Variants in ADGRL3 observed in about 807,000 individuals in gnomAD.
The protein encoded by ADGRL3 is calcium-independent alpha-latrotoxin receptor 3.
ADGRL3 carries 62 observed loss-of-function variants against 153.5 expected under a neutral mutation model. The ratio of observed to expected loss-of-function variants is 0.40; its 90% CI spans 0.33 to 0.50. The LOEUF (loss-of-function observed/expected upper bound fraction) is 0.50, where lower values mean the gene tolerates loss of function less well. ADGRL3 is among the 20% of genes least tolerant of loss of function. The pLI, the probability that ADGRL3 is intolerant of heterozygous loss-of-function variation, is 0.47. For synonymous variants in ADGRL3, 710 were observed against 672.5 expected (o/e 1.06, Z -0.86); for missense variants, 1,641 against 1,859.4 (o/e 0.88, Z 2.16).
chr4:61,901,726 A>C (rs2098665686), intron 11 of ADGRL3, among the ~76,000 whole-genome samples: 1 of 152,176 alleles, frequency 6.6e-6, no homozygotes, highest in African/African-American at 2.4e-5. Context: ...TGAATTTTAA[A>C]AAATTGTTTT....
chr4:61,284,397 T>C (rs1238282927), intron 1 of ADGRL3, among the ~76,000 whole-genome samples: 1 of 151,898 alleles, frequency 6.6e-6, no homozygotes, highest in East Asian at 1.9e-4. Context: ...CCATTGCTTT[T>C]AGTGCTGCTA....
chr4:61,337,971 T>G (rs934403543), intron 1 of ADGRL3, among the ~76,000 whole-genome samples: 1 of 152,072 alleles, frequency 6.6e-6, no homozygotes, highest in Non-Finnish European at 1.5e-5. Context: ...CTTAGAAGAC[T>G]GCCATGACAG....
rs1160968577 is a variant in ADGRL3 at position 61,895,767 on chromosome 4, T to A, written c.1820T>A (p.Ile607Asn). 1.2e-6 allele frequency: 2 copies of A among 1,601,298 alleles called. No individual in the cohort carries two copies. The highest frequency in any genetic ancestry group is 2.7e-5 in the African/African-American group (2 of 74,496). ...TATCTATGCCTTGCTCCTGATGGAATTTGGGATCCCCAAGGTCCAGATCTC... is the reference window on the plus strand; with the variant it reads ...TATCTATGCCTTGCTCCTGATGGAAATTGGGATCCCCAAGGTCCAGATCTC... ...STYLCLAPDG[I>N]WDPQGPDLSN... Residue 607 changes from isoleucine to asparagine, a missense_variant, in exon 11 of 27, where the codon ATT (isoleucine) becomes AAT (asparagine). Ile to Asn is a moderately radical substitution (Grantham distance 149). This residue lies in a region of ADGRL3 where 734 missense variants were observed against 797.0 expected (regional missense o/e 0.92). Coordinates refer to ENST00000683033, the MANE Select transcript of ADGRL3 (RefSeq NM_001387552.1).
intron 13 of ADGRL3, among the ~76,000 whole-genome samples, chr4:61,927,526 T>C (rs1481789176): frequency 6.6e-6 from 1 of 152,120 alleles, no homozygotes; most frequent in Non-Finnish European, 1.5e-5. Flanking sequence ...TTCACTGTAA[T>C]ATAAAAGGTA....
chr4:61,225,948 C>A (rs908636506), intron 1 of ADGRL3, among the ~76,000 whole-genome samples: 2 of 152,126 alleles, frequency 1.3e-5, no homozygotes, highest in African/African-American at 4.8e-5. Flanking sequence ...CTGCTTTCTA[C>A]CTTCTTGTTC....
At chr4:61,896,388 G>A (rs1487185484) in intron 11 of ADGRL3, among the ~76,000 whole-genome samples, 1 of 152,064 alleles carries the variant, frequency 6.6e-6, no homozygotes, top group Non-Finnish European at 1.5e-5. Flanking sequence ...GACCAGATGT[G>A]CATTTATGCC....
rs1240417328 is a variant in ADGRL3, at chr4:61,497,194, A to G, written c.-100A>G. 4.4e-6 allele frequency: 3 copies of G among 680,324 alleles called. No homozygotes were observed. The African/African-American group carries it at 5.7e-5, about 13-fold the overall frequency. 42.1% of individuals were successfully genotyped at this position (680,324 alleles called of 1,614,324 possible). ...TTTCTTTTTAATTTGAAGAAAAATC[A>G]TCAGTCTTGGAATACAGAAGAGAAA... On this transcript the variant is annotated 5_prime_UTR_variant, in exon 3 of 27. Transcript: ENST00000683033.
At chr4:61,403,982 G>T (rs1388140978) in intron 2 of ADGRL3, among the ~76,000 whole-genome samples, 1 of 151,928 alleles carries the variant, frequency 6.6e-6, no homozygotes, top group Non-Finnish European at 1.5e-5. Context: ...TGCTTCCTTA[G>T]AGGCTTCATC....
intron 11 of ADGRL3, among the ~76,000 whole-genome samples, chr4:61,900,962 C>T (rs933998454): frequency 6.6e-6 from 1 of 152,140 alleles, no homozygotes; most frequent in Non-Finnish European, 1.5e-5. Flanking sequence ...TCTCTTGCCT[C>T]AGCTTGATCT....
rs570031623 is a variant in ADGRL3, at chr4:61,304,375, A to G, written c.-239-78749A>G. On this transcript the variant is annotated intron_variant, in intron 1 of 26. Coordinates refer to ENST00000683033, the MANE Select transcript of ADGRL3 (RefSeq NM_001387552.1). Reference sequence around the variant, plus strand: ...GGCTTTCAGCCTCTTTGTTTATATTATTGACTAAAGTGATTACATACCAAC... The same window carrying G: ...GGCTTTCAGCCTCTTTGTTTATATTGTTGACTAAAGTGATTACATACCAAC... 3.9e-4 allele frequency among the ~76,000 whole-genome samples: 59 copies of G among 152,322 alleles called. 1 individual carries two copies. The South Asian group carries it at 0.012, about 32-fold the overall frequency.
At chr4:61,862,845 A>G (rs1009370539) in intron 9 of ADGRL3, among the ~76,000 whole-genome samples, 3 of 152,070 alleles carry the variant, frequency 2.0e-5, no homozygotes, top group Non-Finnish European at 2.9e-5. Flanking sequence ...CTACCACTAG[A>G]TCAGTGGTTC....
chr4:61,930,031 C>T (rs1406284376), intron 13 of ADGRL3, among the ~76,000 whole-genome samples: 1 of 151,932 alleles, frequency 6.6e-6, no homozygotes, highest in East Asian at 1.9e-4. Flanking sequence ...AAAAAATTAG[C>T]CGGGTGTGGT....
In ADGRL3 at chr4:61,934,857, T is replaced by C. The variant is rs1209445518; in HGVS notation, c.2130T>C (p.Val710=). The part of the protein sequence containing the change: ...RAYVQAMVET[V]NNLLQPQALN... ...TCTTGTAGGCAATGGTCGAGACAGT[T>C]AACAACCTCCTTCAGCCACAAGCTT... Residue 710 remains valine (V), a synonymous_variant, in exon 14 of 27, where the codon GTT becomes GTC. Transcript: ENST00000683033. The C allele has an allele frequency of 6.2e-7, 1 of 1,613,518 alleles. No homozygotes were observed. Among genetic ancestry groups the C allele is most frequent in the African/African-American group, 1.3e-5 (1 of 74,914 alleles).
rs2096478138 is a variant in ADGRL3, at chr4:61,369,496, T to G, written c.-239-13628T>G. Among the ~76,000 whole-genome samples the G allele has an allele frequency of 3.3e-5, 5 of 152,106 alleles. No individual in the cohort carries two copies. The South Asian group carries it at 1.0e-3, about 32-fold the overall frequency. ...GCATCTATTGAGATAATCATGTGGTTTTTGTCTTTGGCTCTGTTTATATGC... is the reference window on the plus strand; with the variant it reads ...GCATCTATTGAGATAATCATGTGGTGTTTGTCTTTGGCTCTGTTTATATGC... On this transcript the variant is annotated intron_variant, in intron 1 of 26. Transcript: ENST00000683033.
chr4:61,755,752 G>T (rs1259081356), intron 8 of ADGRL3, among the ~76,000 whole-genome samples: 3 of 152,128 alleles, frequency 2.0e-5, no homozygotes, highest in Non-Finnish European at 4.4e-5. Flanking sequence ...TATGGTTTCA[G>T]GTCTAACATT....
chr4:61,960,838 T>C (rs1249734056), intron 17 of ADGRL3, among the ~76,000 whole-genome samples: 1 of 151,976 alleles, frequency 6.6e-6, no homozygotes, highest in East Asian at 1.9e-4. Flanking sequence ...GCCTCCCGAG[T>C]AGCTGGGACT....
rs576569471 is a variant in ADGRL3 at position 61,565,987 on chromosome 4, G to A, written c.260-21240G>A. The stretch of plus-strand genomic sequence containing the variant: ...TGGAATATATGATTTCCAATTTACA[G>A]TTGTGAAAGAGAAAAGTCTAAAATT... On this transcript the variant is annotated intron_variant, in intron 4 of 26. Coordinates refer to ENST00000683033, the MANE Select transcript of ADGRL3 (RefSeq NM_001387552.1). Among the ~76,000 whole-genome samples the A allele has an allele frequency of 3.3e-5, 5 of 152,278 alleles. No individual in the cohort carries two copies. In the East Asian group the frequency reaches 9.6e-4, roughly 29 times the overall value.
intron 2 of ADGRL3, among the ~76,000 whole-genome samples, chr4:61,399,506 T>G (rs904260568): frequency 6.6e-6 from 1 of 151,684 alleles, no homozygotes; most frequent in African/African-American, 2.4e-5. Context: ...TCAAGTTCTG[T>G]TTTACAAATG....
At chr4:61,910,715 A>T (rs1415849699) in intron 12 of ADGRL3, among the ~76,000 whole-genome samples, 1 of 151,660 alleles carries the variant, frequency 6.6e-6, no homozygotes, top group Non-Finnish European at 1.5e-5. Flanking sequence ...CCTGTATGGA[A>T]TTCACTAAAA....
Sources: allele counts gnomAD v4.1 joint callset (sites outside exome capture counted in the v4.1 genomes callset), GRCh38; gene constraint gnomAD v4.1.1; regional missense constraint gnomAD v4.1.1; transcripts MANE v1.5; gene names NCBI Gene and HGNC (gene_info 2026-07-23, HGNC 2026-07-21).